Variants in CPEB1 observed in about 807,000 individuals in gnomAD.
The protein encoded by CPEB1 is cytoplasmic polyadenylation element-binding protein 1.
In CPEB1, 7 loss-of-function variants were observed where a neutral mutation model predicts 65.8. That is an observed-to-expected ratio of 0.11 (90% CI 0.06 to 0.20). The LOEUF (loss-of-function observed/expected upper bound fraction) is 0.20. Among genes scored for constraint, CPEB1 ranks in the 10% least tolerant of loss-of-function variants. The pLI is 1.00. For synonymous variants in CPEB1, 262 were observed against 260.0 expected (o/e 1.01, Z -0.08); for missense variants, 551 against 712.2 (o/e 0.77, Z 2.58).
intron 3 of CPEB1, among the ~76,000 whole-genome samples, chr15:82,591,256 T>G (rs145585163): frequency 5.1e-4 from 77 of 152,140 alleles, no homozygotes; most frequent in African/African-American, 1.7e-3. Context: ...TGATTTTCAT[T>G]TGTTTTTTGT....
At chr15:82,615,640 GA>G (rs1026263623) in intron 3 of CPEB1, among the ~76,000 whole-genome samples, 4 of 152,054 alleles carry the variant, frequency 2.6e-5, no homozygotes, top group Non-Finnish European at 4.4e-5. Flanking sequence ...ATAATATAAA[GA>G]AAACAAAATC....
intron 10 of CPEB1, 51 bp from the exon 11 acceptor site, chr15:82,547,288 A>AT: frequency 7.8e-6 from 5 of 642,684 alleles, no homozygotes; most frequent in South Asian, 2.7e-5. Flanking sequence ...CCCAAATGCT[A>AT]CTTTTTTTTT....
chr15:82,563,503 ATTTTT>A (rs373097628), intron 4 of CPEB1, among the ~76,000 whole-genome samples: 1 of 134,756 alleles, frequency 7.4e-6, no homozygotes, highest in Non-Finnish European at 1.6e-5. Context: ...TGTCTGACTA[ATTTTT>A]TTTTTTTTTT....
chr15:82,639,577 T>C (rs1432074921), intron 1 of CPEB1, among the ~76,000 whole-genome samples: 1 of 152,216 alleles, frequency 6.6e-6, no homozygotes, highest in Non-Finnish European at 1.5e-5. Context: ...TACATATTAA[T>C]AGATGTGGAT....
At chr15:82,617,045 T>C (rs963386401) in intron 3 of CPEB1, among the ~76,000 whole-genome samples, 10 of 152,220 alleles carry the variant, frequency 6.6e-5, no homozygotes, top group African/African-American at 2.2e-4. Flanking sequence ...TTTAATACCC[T>C]TTTGAAATCC....
At chr15:82,630,980 TG>T in intron 1 of CPEB1, among the ~76,000 whole-genome samples, 1 of 152,302 alleles carries the variant, frequency 6.6e-6, no homozygotes, top group African/African-American at 2.4e-5. Flanking sequence ...TTCCAGATCC[TG>T]GCCACATCTA....
In CPEB1 at chr15:82,645,997, CA is replaced by C. The variant is rs201423877; in HGVS notation, c.-98+1139del. On this transcript the variant is annotated intron_variant, in intron 1 of 12. Transcript: ENST00000684509. ...AAATAAAAGACCAGTGATGAGTCCC[CA>C]AAACACCGTCCCCAGGGTTTTCCGA... Among the ~76,000 whole-genome samples, 1,136 of 152,282 alleles carry C rather than the reference CA, an allele frequency of 7.5e-3. 12 individuals carry two copies. The highest frequency in any genetic ancestry group is 8.4e-3 in the Non-Finnish European group (574 of 68,008).
intron 3 of CPEB1, among the ~76,000 whole-genome samples, chr15:82,626,188 C>T (rs151299392): frequency 1.3e-5 from 2 of 151,880 alleles, no homozygotes; most frequent in African/African-American, 4.8e-5. Context: ...ATAATCCCAG[C>T]ACTTTGGGAG....
intron 3 of CPEB1, among the ~76,000 whole-genome samples, chr15:82,586,543 T>TAAAA (rs2041822382): frequency 6.6e-6 from 1 of 152,216 alleles, no homozygotes; most frequent in Non-Finnish European, 1.5e-5. Context: ...TCTGCGTTTT[T>TAAAA]GGTCAGAACC....
intron 3 of CPEB1, among the ~76,000 whole-genome samples, chr15:82,586,041 G>T (rs1311021690): frequency 6.6e-6 from 1 of 152,140 alleles, no homozygotes; most frequent in Non-Finnish European, 1.5e-5. Flanking sequence ...TGATAATGGT[G>T]TAAGTGATAA....
At chr15:82,571,242 G>T in intron 4 of CPEB1, 102 bp downstream of exon 4, 1 of 1,416,292 alleles carries the variant, frequency 7.1e-7, no homozygotes, top group Non-Finnish European at 9.5e-7. Flanking sequence ...TGTATGGTGG[G>T]GAGTGATGCA....
chr15:82,555,679 A>C (rs1252818571), intron 6 of CPEB1, among the ~76,000 whole-genome samples, 191 bp downstream of exon 6: 1 of 152,214 alleles, frequency 6.6e-6, no homozygotes, highest in African/African-American at 2.4e-5. Context: ...CTCTCCACTC[A>C]GCCTCAAGAA....
chr15:82,578,470 A>G (rs1024958156), intron 3 of CPEB1, among the ~76,000 whole-genome samples: 6 of 152,204 alleles, frequency 3.9e-5, no homozygotes, highest in African/African-American at 1.4e-4. Flanking sequence ...TACAGTGTTG[A>G]AAATTCCAAG....
upstream of CPEB1, chr15:82,648,048 T>C (rs1007847927): frequency 4.8e-6 from 2 of 420,474 alleles, no homozygotes; most frequent in South Asian, 1.2e-4. Flanking sequence ...GCGGAGCACC[T>C]GTGTCGGCCC....
At chr15:82,575,932 C>G (rs1229039256) in intron 3 of CPEB1, among the ~76,000 whole-genome samples, 1 of 152,156 alleles carries the variant, frequency 6.6e-6, no homozygotes, top group Non-Finnish European at 1.5e-5. Context: ...CCATTTCTTA[C>G]ACAACTAACA....
At position 82,558,004 on chromosome 15, in the gene CPEB1, G is replaced by A. The variant is rs745785348; in HGVS notation, c.461-18C>T. ...GCTCAGTACTAGGAGGACAAAAAAG[G>A]AAACCTCATGACCTCTTAGTTTTCT... On this transcript the variant is annotated intron_variant, in intron 4 of 12. Coordinates refer to ENST00000684509, the MANE Select transcript of CPEB1 (RefSeq NM_001365242.1). 6.6e-7 allele frequency: 1 copy of A among 1,520,206 alleles called. No homozygotes were observed. The highest frequency in any genetic ancestry group is 8.9e-7 in the Non-Finnish European group (1 of 1,122,996). 94.2% of individuals were successfully genotyped at this position (1,520,206 alleles called of 1,614,324 possible).
chr15:82,578,494 T>G (rs1396065040), intron 3 of CPEB1, among the ~76,000 whole-genome samples: 1 of 152,146 alleles, frequency 6.6e-6, no homozygotes, highest in East Asian at 1.9e-4. Flanking sequence ...GTGGGCACAG[T>G]GGTTCACACC....
At chr15:82,648,203 C>T (rs2047739592), upstream of CPEB1, 2 of 289,748 alleles carry the variant, frequency 6.9e-6, no homozygotes, top group Non-Finnish European at 1.3e-5. Flanking sequence ...GAGACCTAAG[C>T]CTGAGCGCGC....
intron 4 of CPEB1, among the ~76,000 whole-genome samples, chr15:82,560,788 A>G (rs1399232961): frequency 1.3e-5 from 2 of 152,210 alleles, no homozygotes; most frequent in Non-Finnish European, 2.9e-5. Context: ...AAACTAAGGA[A>G]AAGCACCAGT....
Sources: gnomAD v4.1 joint callset for allele counts (sites outside exome capture counted in the v4.1 genomes callset) on GRCh38, gnomAD v4.1.1 for gene constraint, MANE v1.5 for transcripts, NCBI Gene and HGNC (gene_info 2026-07-23, HGNC 2026-07-21) for gene names.